CACHD1: variants seen among roughly 807,000 people sequenced by gnomAD.
CACHD1 encodes VWFA and cache domain-containing protein 1.
Under a neutral mutation model 138.7 loss-of-function variants are expected in CACHD1, and 71 were observed. The observed-to-expected ratio is 0.51, with a 90% CI of 0.42 to 0.62. The LOEUF is 0.62. Ranked by LOEUF, CACHD1 falls within the 20% of genes least tolerant of loss-of-function variation. The pLI, the probability that CACHD1 is intolerant of heterozygous loss-of-function variation, is 0.00. For synonymous variants in CACHD1, 578 were observed against 591.5 expected, an observed-to-expected ratio of 0.98 and a Z score of 0.33; for missense variants, 1,389 against 1,625.3, an observed-to-expected ratio of 0.85 and a Z score of 2.50.
rs369242267 is a variant in CACHD1, at chr1:64,675,492, A to G, written c.2819A>G (p.Asn940Ser). ...ACCAACGCGTTTGTTGGCATTGTCA[A>G]CGAAACCTGCGACTCTCTTGCCTTC... is the stretch of plus-strand genomic sequence containing the variant. ...PGTNAFVGIVNETCDSLAFCA... is the reference protein window; with the variant it reads ...PGTNAFVGIVSETCDSLAFCA... The change falls in exon 20 of 27, where the codon AAC becomes AGC. Residue 940 changes from asparagine to serine, a missense_variant. Asn to Ser is a conservative substitution (Grantham distance 46). Transcript: ENST00000651257. 4 of 1,613,640 alleles carry G rather than the reference A, an allele frequency of 2.5e-6. No homozygotes were observed. The highest frequency in any genetic ancestry group is 1.1e-5 in the South Asian group (1 of 91,058).
chr1:64,679,581 C>T lies in CACHD1; in HGVS notation c.3245-14C>T, dbSNP rs565679484. On this transcript the variant is annotated splice_polypyrimidine_tract_variant and intron_variant, in intron 23 of 26. Transcript: ENST00000651257. ...AATCTTAACAAGAAACATCTTCTTG[C>T]TCTTTCACTGAAGGTGATGAGGTGA... 183 of 1,612,812 alleles carry T rather than the reference C, an allele frequency of 1.1e-4. No homozygotes were observed. The South Asian group carries it at 1.3e-3, about 12-fold the overall frequency.
chr1:64,505,681 C>G (rs1646368537), intron 1 of CACHD1, among the ~76,000 whole-genome samples: 1 of 143,436 alleles, frequency 7.0e-6, no homozygotes, highest in Non-Finnish European at 1.5e-5. Context: ...CTGGGCGCAC[C>G]CCATCCACGC....
At chr1:64,682,264 A>G (rs1346038218) in intron 26 of CACHD1, among the ~76,000 whole-genome samples, 158 bp downstream of exon 26, 2 of 151,934 alleles carry the variant, frequency 1.3e-5, no homozygotes, top group Non-Finnish European at 2.9e-5. Context: ...ATGTCTCAGC[A>G]CTCCTCTGGG....
At chr1:64,544,494 G>A (rs541823304) in intron 1 of CACHD1, among the ~76,000 whole-genome samples, 1 of 152,198 alleles carries the variant, frequency 6.6e-6, no homozygotes, top group African/African-American at 2.4e-5. Flanking sequence ...TTTGGTAAGG[G>A]AGGAGATGAT....
rs555561887 is a variant in CACHD1 at position 64,528,097 on chromosome 1, A to G, written c.199-22497A>G. Among the ~76,000 whole-genome samples, 60 of 152,336 alleles carry G rather than the reference A, an allele frequency of 3.9e-4. 2 individuals carry two copies. Among genetic ancestry groups the G allele is most frequent in the African/African-American group, 1.2e-3 (49 of 41,576 alleles). ...AGCAGCACTACTTGAGAATTTTACC[A>G]TTCTTAATAAGCCTGGTATTTAGAA... On this transcript the variant is annotated intron_variant, in intron 1 of 26. Coordinates refer to ENST00000651257, the MANE Select transcript of CACHD1 (RefSeq NM_020925.4).
chr1:64,604,796 G>A (rs541708070), intron 4 of CACHD1, among the ~76,000 whole-genome samples: 12 of 148,614 alleles, frequency 8.1e-5, no homozygotes, highest in African/African-American at 2.7e-4. Context: ...GGGATTATAG[G>A]TGCCCACCAC....
chr1:64,664,401 C>A, intron 14 of CACHD1, 97 bp from the exon 15 acceptor site: 1 of 1,201,608 alleles, frequency 8.3e-7, no homozygotes, highest in Non-Finnish European at 1.2e-6. Context: ...TTCGGCTTGG[C>A]TTCTCTGCAA....
intron 4 of CACHD1, among the ~76,000 whole-genome samples, chr1:64,612,989 G>C (rs1342658133): frequency 6.6e-6 from 1 of 152,152 alleles, no homozygotes; most frequent in Non-Finnish European, 1.5e-5. Context: ...GAACATTTGG[G>C]ATTCATGGAA....
rs969522518 is a variant in CACHD1, at chr1:64,653,729, T to C, written c.1541-29T>C. On this transcript the variant is annotated intron_variant, in intron 10 of 26. Transcript: ENST00000651257. ...AGAACTTCCTACAACATGTTTCTTA[T>C]TAACATGCATTTTGTTTTCTTATTG... 5.6e-6 allele frequency: 9 copies of C among 1,601,964 alleles called. No individual in the cohort carries two copies. The African/African-American group carries it at 9.4e-5, about 17-fold the overall frequency.
intron 1 of CACHD1, among the ~76,000 whole-genome samples, chr1:64,546,819 T>G (rs2100444289): frequency 6.6e-6 from 1 of 152,326 alleles, no homozygotes; most frequent in Non-Finnish European, 1.5e-5. Flanking sequence ...TCTTTTATAA[T>G]TTTACGTAGC....
chr1:64,621,774 G>T (rs1647923917), intron 4 of CACHD1, among the ~76,000 whole-genome samples: 1 of 152,204 alleles, frequency 6.6e-6, no homozygotes, highest in African/African-American at 2.4e-5. Flanking sequence ...GTTGAAGGGG[G>T]AAGAGGTGAG....
At chr1:64,646,444 A>G (rs893722364) in intron 8 of CACHD1, among the ~76,000 whole-genome samples, 1 of 152,238 alleles carries the variant, frequency 6.6e-6, no homozygotes, top group African/African-American at 2.4e-5. Context: ...GAAAGAAATG[A>G]TTTGCCAGGC....
At chr1:64,482,757 T>C (rs1646218617) in intron 1 of CACHD1, among the ~76,000 whole-genome samples, 1 of 152,194 alleles carries the variant, frequency 6.6e-6, no homozygotes, top group African/African-American at 2.4e-5. Context: ...GATAGTATAA[T>C]TTCAGATGAC....
At chr1:64,686,695 T>G (rs1319327915) in intron 26 of CACHD1, among the ~76,000 whole-genome samples, 1 of 152,258 alleles carries the variant, frequency 6.6e-6, no homozygotes, top group Non-Finnish European at 1.5e-5. Flanking sequence ...ATTTGTTCCT[T>G]GTGAATTTGT....
chr1:64,538,313 C>T (rs900377011), intron 1 of CACHD1, among the ~76,000 whole-genome samples: 4 of 152,084 alleles, frequency 2.6e-5, no homozygotes, highest in Non-Finnish European at 5.9e-5. Context: ...AAAAATTCAG[C>T]GCATCAGTAT....
intron 2 of CACHD1, chr1:64,563,799 C>T (rs1646860526): frequency 6.6e-6 from 1 of 152,154 alleles, no homozygotes; most frequent in Non-Finnish European, 1.5e-5. Flanking sequence ...ATGGAAAACT[C>T]AAGGTCCAAG....
At chr1:64,684,292 T>A (rs527525329) in intron 26 of CACHD1, among the ~76,000 whole-genome samples, 56 of 152,002 alleles carry the variant, frequency 3.7e-4, no homozygotes, top group East Asian at 2.1e-3. Context: ...GTGGTAAAAA[T>A]TTTTTTTGGT....
At chr1:64,570,766 G>A (rs924494407) in intron 2 of CACHD1, among the ~76,000 whole-genome samples, 4 of 151,992 alleles carry the variant, frequency 2.6e-5, no homozygotes, top group East Asian at 3.9e-4. Context: ...AAACCCATAC[G>A]GGAAACATTT....
rs184427236 is a variant in CACHD1 at position 64,683,032 on chromosome 1, A to C, written c.3586+926A>C. Among the ~76,000 whole-genome samples, 129 of 151,376 alleles carry C rather than the reference A, an allele frequency of 8.5e-4. 1 individual carries two copies. Among genetic ancestry groups the C allele is most frequent in the Non-Finnish European group, 1.5e-3 (102 of 67,768 alleles). On this transcript the variant is annotated intron_variant, in intron 26 of 26. Transcript: ENST00000651257. Reference sequence around the variant, plus strand: ...TTAGCTTTTTCCACACCTATCCTGGAAAAAAAAAGTCCTCAAACCTTGTAT... The same window carrying C: ...TTAGCTTTTTCCACACCTATCCTGGCAAAAAAAAGTCCTCAAACCTTGTAT...
Sources: gnomAD v4.1 joint callset for allele counts (sites outside exome capture counted in the v4.1 genomes callset) on GRCh38, gnomAD v4.1.1 for gene constraint, MANE v1.5 for transcripts, NCBI Gene and HGNC (gene_info 2026-07-23, HGNC 2026-07-21) for gene names.